NAALADL2: variants seen among roughly 807,000 people sequenced by gnomAD.
The protein encoded by NAALADL2 is inactive N-acetylated-alpha-linked acidic dipeptidase-like protein 2.
A neutral mutation model predicts 87.2 loss-of-function variants in NAALADL2; 76 were observed. The ratio of observed to expected loss-of-function variants is 0.87; its 90% CI spans 0.72 to 1.05. NAALADL2 has a LOEUF of 1.05. NAALADL2 is among the 50% of genes least tolerant of loss of function. The probability of loss-of-function intolerance (pLI) is 0.00; values close to 1 mark genes in which losing one functional copy is unlikely to be tolerated. For synonymous variants in NAALADL2, 354 were observed against 331.0 expected, an observed-to-expected ratio of 1.07 and a Z score of -0.75; for missense variants, 1,089 against 945.8, an observed-to-expected ratio of 1.15 and a Z score of -1.99.
At chr3:174,975,559 C>A (rs1744252879) in intron 1 of NAALADL2, among the ~76,000 whole-genome samples, 1 of 152,152 alleles carries the variant, frequency 6.6e-6, no homozygotes, top group Non-Finnish European at 1.5e-5. Context: ...GCCGCCCCCC[C>A]ACCTACCTTG....
At chr3:175,668,112 C>T (rs1042126252) in intron 11 of NAALADL2, among the ~76,000 whole-genome samples, 2 of 152,040 alleles carry the variant, frequency 1.3e-5, no homozygotes, top group Non-Finnish European at 2.9e-5. Context: ...TTTCATTAGG[C>T]AATATGTGAC....
At chr3:174,746,436 C>A (rs1734258919) in intron 3 of NAALADL2, among the ~76,000 whole-genome samples, 1 of 152,034 alleles carries the variant, frequency 6.6e-6, no homozygotes, top group Non-Finnish European at 1.5e-5. Flanking sequence ...AGAGAGAACA[C>A]AAACAAATGG....
At chr3:174,715,771 T>C (rs1262926116) in intron 2 of NAALADL2, among the ~76,000 whole-genome samples, 1 of 152,174 alleles carries the variant, frequency 6.6e-6, no homozygotes, top group African/African-American at 2.4e-5. Context: ...AACATGTTAC[T>C]GTCCTTACTT....
chr3:175,006,061 A>G (rs1437886573), intron 1 of NAALADL2, among the ~76,000 whole-genome samples: 1 of 152,220 alleles, frequency 6.6e-6, no homozygotes, highest in African/African-American at 2.4e-5. Context: ...CTGTGCTTCA[A>G]GCTTGCCAGG....
intron 5 of NAALADL2, among the ~76,000 whole-genome samples, chr3:175,403,300 G>T (rs1437980638): frequency 6.6e-6 from 1 of 151,952 alleles, no homozygotes; most frequent in East Asian, 1.9e-4. Flanking sequence ...AAGCTGTGCA[G>T]TAGAGGTATA....
At chr3:174,858,059 A>G (rs1726050981), upstream of NAALADL2, among the ~76,000 whole-genome samples, 2 of 150,554 alleles carry the variant, frequency 1.3e-5, no homozygotes, top group Admixed American at 1.3e-4. Flanking sequence ...CTTCATATAC[A>G]TATATATGTG....
chr3:174,555,992 T>TGTGC (rs1301221707), intron 2 of NAALADL2, among the ~76,000 whole-genome samples: 3 of 136,792 alleles, frequency 2.2e-5, no homozygotes, highest in Admixed American at 1.4e-4. Context: ...TGTGTGTGTG[T>TGTGC]GTGTGTGTGT....
chr3:175,278,125 C>CAAT lies in NAALADL2; in HGVS notation c.939+21614_939+21616dup, dbSNP rs575073441. Among the ~76,000 whole-genome samples, 16 of 151,994 alleles carry CAAT rather than the reference C, an allele frequency of 1.1e-4. No individual in the cohort carries two copies. In the South Asian group the frequency reaches 1.9e-3, roughly 18 times the overall value. The stretch of plus-strand genomic sequence containing the variant: ...TGGGCGACAAAGCGAGACTCCGTCT[C>CAAT]AATAATAATAATAATAATAATTTAG... On this transcript the variant is annotated intron_variant, in intron 4 of 13. Coordinates refer to ENST00000454872, the MANE Select transcript of NAALADL2 (RefSeq NM_207015.3).
At chr3:175,343,664 T>TTTTTTTTTTTTTTTTTA (rs1762819853) in intron 5 of NAALADL2, among the ~76,000 whole-genome samples, 1 of 140,104 alleles carries the variant, frequency 7.1e-6, no homozygotes, top group African/African-American at 2.7e-5. Flanking sequence ...TGTTTTTTTT[T>TTTTTTTTTTTTTTTTTA]TTTTTTTTTT....
intron 5 of NAALADL2, among the ~76,000 whole-genome samples, chr3:175,342,008 T>G (rs577317820): frequency 1.3e-5 from 2 of 152,252 alleles, no homozygotes; most frequent in South Asian, 4.1e-4. Flanking sequence ...TTATGTATTA[T>G]TTCTATTCAT....
At chr3:175,748,641 G>C (rs1352583555) in intron 12 of NAALADL2, among the ~76,000 whole-genome samples, 1 of 152,160 alleles carries the variant, frequency 6.6e-6, no homozygotes, top group Non-Finnish European at 1.5e-5. Flanking sequence ...TGTTGTTTTA[G>C]AGGATGACCA....
chr3:175,334,542 A>G (rs1028491468), intron 5 of NAALADL2, among the ~76,000 whole-genome samples: 10 of 152,168 alleles, frequency 6.6e-5, no homozygotes, highest in African/African-American at 2.4e-4. Flanking sequence ...TTCTTTTGGT[A>G]GGAAATAAGC....
intron 10 of NAALADL2, among the ~76,000 whole-genome samples, chr3:175,599,564 A>G (rs1445262577): frequency 6.6e-6 from 1 of 152,030 alleles, no homozygotes; most frequent in East Asian, 1.9e-4. Flanking sequence ...AAGTCCCCCA[A>G]GTTCTTTCTC....
chr3:175,654,066 C>T (rs1000858315), intron 11 of NAALADL2, among the ~76,000 whole-genome samples: 2 of 152,176 alleles, frequency 1.3e-5, no homozygotes, highest in East Asian at 1.9e-4. Flanking sequence ...AAAAGACTGA[C>T]CCCTGGATTT....
intron 12 of NAALADL2, among the ~76,000 whole-genome samples, chr3:175,749,852 T>C (rs1027285807): frequency 8.5e-5 from 13 of 152,170 alleles, no homozygotes; most frequent in Admixed American, 8.5e-4. Flanking sequence ...GCAGAAGTCT[T>C]AGAAGCTTTA....
chr3:175,011,708 C>T (rs1370438656), intron 1 of NAALADL2, among the ~76,000 whole-genome samples: 1 of 152,098 alleles, frequency 6.6e-6, no homozygotes, highest in East Asian at 1.9e-4. Flanking sequence ...CTAACTAATA[C>T]ATGAGGACAG....
chr3:175,456,066 G>A (rs991610061), intron 6 of NAALADL2, among the ~76,000 whole-genome samples: 1 of 151,956 alleles, frequency 6.6e-6, no homozygotes, highest in African/African-American at 2.4e-5. Context: ...GAATAAGATT[G>A]GAATTTTTTC....
At chr3:174,461,303 A>G (rs536788987) in intron 1 of NAALADL2, among the ~76,000 whole-genome samples, 109 of 152,222 alleles carry the variant, frequency 7.2e-4, no homozygotes, top group African/African-American at 2.5e-3. Flanking sequence ...TTGTTTTATT[A>G]GTCTCAAGAA....
intron 1 of NAALADL2, among the ~76,000 whole-genome samples, chr3:175,036,751 T>G (rs1464738541): frequency 6.6e-6 from 1 of 151,980 alleles, no homozygotes; most frequent in African/African-American, 2.4e-5. Context: ...AAATATTTTA[T>G]TGTTTTTCCT....
Sources: allele counts gnomAD v4.1 joint callset (sites outside exome capture counted in the v4.1 genomes callset), GRCh38; gene constraint gnomAD v4.1.1; transcripts MANE v1.5; gene names NCBI Gene and HGNC (gene_info 2026-07-23, HGNC 2026-07-21).